TMEM135: variants seen among roughly 807,000 people sequenced by gnomAD.
The protein encoded by TMEM135 is transmembrane protein 135, also known as peroxisomal membrane protein 52.
A neutral mutation model predicts 60.3 loss-of-function variants in TMEM135; 30 were observed. The ratio of observed to expected loss-of-function variants is 0.50; its 90% CI spans 0.37 to 0.68. The LOEUF is 0.68. TMEM135 is among the 30% of genes least tolerant of loss of function. TMEM135 has a pLI of 0.00. For synonymous variants in TMEM135, 190 were observed against 186.7 expected, an observed-to-expected ratio of 1.02 and a Z score of -0.14; for missense variants, 468 against 548.8, an observed-to-expected ratio of 0.85 and a Z score of 1.47.
chr11:87,272,062 T>C (rs1941876702), intron 6 of TMEM135, among the ~76,000 whole-genome samples: 2 of 148,306 alleles, frequency 1.3e-5, no homozygotes, highest in South Asian at 4.3e-4. Context: ...TTTTTTTTTT[T>C]TTTTTTTTTA....
At chr11:87,172,503 T>C (rs1939265777) in intron 5 of TMEM135, among the ~76,000 whole-genome samples, 1 of 152,078 alleles carries the variant, frequency 6.6e-6, no homozygotes, top group South Asian at 2.1e-4. Context: ...TGGATTTTTT[T>C]TAAACCTTCC....
chr11:87,148,880 A>G (rs1421212443), intron 4 of TMEM135, among the ~76,000 whole-genome samples: 1 of 152,216 alleles, frequency 6.6e-6, no homozygotes, highest in Non-Finnish European at 1.5e-5. Flanking sequence ...GAGTATGTGA[A>G]TAATCCTTCT....
chr11:87,177,067 T>C (rs1328283093), intron 5 of TMEM135, among the ~76,000 whole-genome samples: 2 of 152,150 alleles, frequency 1.3e-5, no homozygotes, highest in Non-Finnish European at 2.9e-5. Flanking sequence ...TGAAAGAACA[T>C]TTAATAGGCA....
chr11:87,132,659 C>T (rs1262501341), intron 4 of TMEM135, among the ~76,000 whole-genome samples: 1 of 140,490 alleles, frequency 7.1e-6, no homozygotes, highest in African/African-American at 2.6e-5. Flanking sequence ...ATGCTAACTA[C>T]AATTATTAGT....
chr11:87,306,794 C>A (rs1942551811), intron 9 of TMEM135, among the ~76,000 whole-genome samples: 1 of 152,158 alleles, frequency 6.6e-6, no homozygotes, highest in Admixed American at 6.5e-5. Flanking sequence ...TCTCAGCTCA[C>A]TGCAACCACC....
intron 5 of TMEM135, chr11:87,178,584 C>G (rs1333390887): frequency 2.1e-5 from 9 of 438,810 alleles, no homozygotes; most frequent in Non-Finnish European, 4.1e-5. Context: ...CACCATTACA[C>G]CTGGCTAATT....
At chr11:87,224,585 T>A (rs1940726295) in intron 5 of TMEM135, among the ~76,000 whole-genome samples, 1 of 152,140 alleles carries the variant, frequency 6.6e-6, no homozygotes, top group African/African-American at 2.4e-5. Context: ...AATACCACCC[T>A]TTGGATGAAA....
chr11:87,207,703 A>T lies in TMEM135; in HGVS notation c.463-28935A>T, dbSNP rs991916380. Among the ~76,000 whole-genome samples, 4 of 152,340 alleles carry T rather than the reference A, an allele frequency of 2.6e-5. No individual in the cohort carries two copies. The South Asian group carries it at 8.3e-4, about 32-fold the overall frequency. ...TGTCATTTTCTATTGCTATAATAGAATACTGCAGACTGTGTGATTTATAAA... is the reference window on the plus strand; with the variant it reads ...TGTCATTTTCTATTGCTATAATAGATTACTGCAGACTGTGTGATTTATAAA... On this transcript the variant is annotated intron_variant, in intron 5 of 14. Coordinates refer to ENST00000305494, the MANE Select transcript of TMEM135 (RefSeq NM_022918.4).
intron 1 of TMEM135, among the ~76,000 whole-genome samples, chr11:87,044,806 C>T (rs370246663): frequency 1.6e-4 from 25 of 151,744 alleles, no homozygotes; most frequent in Admixed American, 1.2e-3. Context: ...CGCGCCACCA[C>T]GCCCAGCTAA....
intron 5 of TMEM135, among the ~76,000 whole-genome samples, chr11:87,159,617 A>ACACACACACACCCCCC (rs140303858): frequency 5.5e-4 from 82 of 149,454 alleles, no homozygotes; most frequent in Middle Eastern, 3.4e-3. Flanking sequence ...ACACACACAC[A>ACACACACACACCCCCC]CCATAGATTT....
chr11:87,266,438 T>C (rs944168466), intron 6 of TMEM135, among the ~76,000 whole-genome samples: 1 of 152,208 alleles, frequency 6.6e-6, no homozygotes, highest in Non-Finnish European at 1.5e-5. Flanking sequence ...TATGTATATA[T>C]AGCAGAATGT....
chr11:87,310,201 A>G (rs1942618137), intron 10 of TMEM135, among the ~76,000 whole-genome samples: 1 of 152,114 alleles, frequency 6.6e-6, no homozygotes. Flanking sequence ...CAGAGTTCAC[A>G]GTCTTCCACC....
chr11:87,238,215 A>T (rs906846511), intron 6 of TMEM135, among the ~76,000 whole-genome samples: 3 of 151,940 alleles, frequency 2.0e-5, no homozygotes. Flanking sequence ...AATAGAGATC[A>T]TAAATCTCTA....
chr11:87,286,851 T>C (rs1241249210), intron 6 of TMEM135, among the ~76,000 whole-genome samples: 2 of 152,244 alleles, frequency 1.3e-5, no homozygotes, highest in East Asian at 1.9e-4. Context: ...GTAACTGTTA[T>C]ATGTCATTCT....
chr11:87,302,710 G>T (rs1029404343), intron 8 of TMEM135, among the ~76,000 whole-genome samples: 1 of 152,160 alleles, frequency 6.6e-6, no homozygotes, highest in African/African-American at 2.4e-5. Flanking sequence ...ATTACAGGAG[G>T]CTATGATGGA....
At chr11:87,042,570 ACTT>A (rs1302632540) in intron 1 of TMEM135, among the ~76,000 whole-genome samples, 2 of 152,140 alleles carry the variant, frequency 1.3e-5, no homozygotes. Flanking sequence ...TCAGAAAAAA[ACTT>A]CTGCTTCTAA....
chr11:87,096,306 CT>C, intron 4 of TMEM135: 1 of 261,866 alleles, frequency 3.8e-6, no homozygotes, highest in Non-Finnish European at 7.6e-6. Flanking sequence ...TTCACCTTTT[CT>C]TAGGTGTCAA....
At chr11:87,108,106 G>A (rs1466075381) in intron 4 of TMEM135, among the ~76,000 whole-genome samples, 1 of 152,124 alleles carries the variant, frequency 6.6e-6, no homozygotes, top group Admixed American at 6.6e-5. Context: ...TGTTGATGGG[G>A]TTGTTTGATT....
intron 1 of TMEM135, among the ~76,000 whole-genome samples, chr11:87,053,615 T>TA (rs1343485584): frequency 1.3e-5 from 2 of 152,080 alleles, no homozygotes; most frequent in African/African-American, 4.8e-5. Context: ...TTACTTCCCT[T>TA]ACTTTTATAG....
Sources: allele counts gnomAD v4.1 joint callset (sites outside exome capture counted in the v4.1 genomes callset), GRCh38; gene constraint gnomAD v4.1.1; transcripts MANE v1.5; gene names NCBI Gene and HGNC (gene_info 2026-07-23, HGNC 2026-07-21).